The following BMPR1B variants were observed in gnomAD, a reference collection of about 807,000 sequenced individuals.
BMPR1B encodes bone morphogenetic protein receptor type-1B.
Under a neutral mutation model 59.1 loss-of-function variants are expected in BMPR1B, and 12 were observed. That is an observed-to-expected ratio of 0.20 (90% confidence interval 0.13 to 0.33). BMPR1B has a LOEUF of 0.33. BMPR1B is among the 10% of genes least tolerant of loss of function. BMPR1B has a pLI of 1.00. For synonymous variants in BMPR1B, 237 were observed against 207.3 expected, an observed-to-expected ratio of 1.14 and a Z score of -1.23; for missense variants, 550 against 610.9, an observed-to-expected ratio of 0.90 and a Z score of 1.05.
chr4:94,816,856 G>A (rs1230520445), intron 1 of BMPR1B, among the ~76,000 whole-genome samples: 1 of 152,082 alleles, frequency 6.6e-6, no homozygotes, highest in Non-Finnish European at 1.5e-5. Flanking sequence ...TTCCTTATAT[G>A]TCTGTTTGTG....
At chr4:95,121,606 T>G (rs921750853) in intron 6 of BMPR1B, among the ~76,000 whole-genome samples, 1 of 152,068 alleles carries the variant, frequency 6.6e-6, no homozygotes, top group African/African-American at 2.4e-5. Flanking sequence ...ACATAAATAT[T>G]GAGAGAGAGA....
intron 3 of BMPR1B, among the ~76,000 whole-genome samples, chr4:95,005,561 C>T (rs1472526618): frequency 6.6e-6 from 1 of 152,146 alleles, no homozygotes; most frequent in Non-Finnish European, 1.5e-5. Context: ...CCCTCCTCCC[C>T]TCCCACTTCC....
intron 1 of BMPR1B, among the ~76,000 whole-genome samples, chr4:94,839,880 A>G (rs1724982004): frequency 6.6e-6 from 1 of 150,998 alleles, no homozygotes; most frequent in Non-Finnish European, 1.5e-5. Flanking sequence ...TTTTGGCATG[A>G]TTTTGCAGTG....
At chr4:94,952,739 GA>G (rs1729996393) in intron 2 of BMPR1B, among the ~76,000 whole-genome samples, 1 of 152,148 alleles carries the variant, frequency 6.6e-6, no homozygotes, top group Non-Finnish European at 1.5e-5. Context: ...ATATTCTGTT[GA>G]TTTGGGGTGG....
chr4:94,951,466 A>G (rs1729933006), intron 2 of BMPR1B, among the ~76,000 whole-genome samples: 1 of 152,056 alleles, frequency 6.6e-6, no homozygotes, highest in African/African-American at 2.4e-5. Flanking sequence ...TAGTGTATTG[A>G]GTGTTTTTAG....
chr4:95,009,093 C>G (rs891777330), intron 3 of BMPR1B, among the ~76,000 whole-genome samples: 1 of 152,126 alleles, frequency 6.6e-6, no homozygotes. Context: ...CATTTCATTT[C>G]ATACCTACCA....
At chr4:94,931,739 A>G (rs1428406936) in intron 2 of BMPR1B, among the ~76,000 whole-genome samples, 5 of 152,154 alleles carry the variant, frequency 3.3e-5, no homozygotes, top group Non-Finnish European at 7.3e-5. Flanking sequence ...ACCTACAGTG[A>G]TATCCTCAAA....
intron 3 of BMPR1B, among the ~76,000 whole-genome samples, chr4:95,029,629 C>T (rs1356404022): frequency 1.3e-5 from 2 of 152,082 alleles, no homozygotes; most frequent in African/African-American, 2.4e-5. Flanking sequence ...GGTATATACC[C>T]AGTAATGGGA....
chr4:94,788,004 A>G (rs1722827898), intron 1 of BMPR1B, among the ~76,000 whole-genome samples: 2 of 152,184 alleles, frequency 1.3e-5, no homozygotes, highest in African/African-American at 2.4e-5. Context: ...AATGTGGTAT[A>G]TATGGGGCTG....
chr4:95,003,686 T>C (rs189394709), intron 3 of BMPR1B, among the ~76,000 whole-genome samples: 2 of 152,238 alleles, frequency 1.3e-5, no homozygotes, highest in African/African-American at 2.4e-5. Flanking sequence ...TTATTTCTAT[T>C]TCCTCTTTTC....
intron 1 of BMPR1B, among the ~76,000 whole-genome samples, chr4:94,792,423 C>G (rs1389820245): frequency 6.6e-6 from 1 of 152,068 alleles, no homozygotes; most frequent in Non-Finnish European, 1.5e-5. Flanking sequence ...GTCCCCTTCT[C>G]TTCTCCTTCT....
intron 2 of BMPR1B, among the ~76,000 whole-genome samples, chr4:94,942,489 T>C (rs1729555555): frequency 6.6e-6 from 1 of 152,180 alleles, no homozygotes; most frequent in South Asian, 2.1e-4. Context: ...GAAAAAACTA[T>C]TCTTTACTTG....
chr4:94,940,982 C>G (rs937881101), intron 2 of BMPR1B, among the ~76,000 whole-genome samples: 1 of 151,952 alleles, frequency 6.6e-6, no homozygotes, highest in Non-Finnish European at 1.5e-5. Flanking sequence ...ACGTTAGATA[C>G]TTTATTTGAA....
intron 2 of BMPR1B, among the ~76,000 whole-genome samples, chr4:94,969,714 ATTATTTGTCTTC>A (rs1560572802): frequency 9.2e-5 from 14 of 152,026 alleles, no homozygotes; most frequent in African/African-American, 3.4e-4. Flanking sequence ...AGTGTTTTCT[ATTATTTGTCTTC>A]CCCAGTAGAA....
intron 2 of BMPR1B, among the ~76,000 whole-genome samples, chr4:94,983,438 G>A (rs1721222263): frequency 2.0e-5 from 3 of 152,112 alleles, no homozygotes; most frequent in African/African-American, 7.2e-5. Flanking sequence ...AATTGAAAAT[G>A]ATTTTGGTAA....
intron 1 of BMPR1B, among the ~76,000 whole-genome samples, chr4:94,816,709 CTAAAAAG>C (rs1460885617): frequency 6.6e-6 from 1 of 152,114 alleles, no homozygotes; most frequent in Non-Finnish European, 1.5e-5. Context: ...GGTTTATCTT[CTAAAAAG>C]TGAATTTTAC....
At chr4:94,962,072 TTTCC>T (rs199574448) in intron 2 of BMPR1B, among the ~76,000 whole-genome samples, 30,879 of 117,658 alleles carry the variant, frequency 0.26, 4,232 homozygotes, top group Middle Eastern at 0.34. Flanking sequence ...CTTTCTTTTC[TTTCC>T]TTCCTTCCTT....
In BMPR1B at chr4:95,139,618, C is replaced by T. The variant is rs377333493; in HGVS notation, c.1076+8106C>T. Among the ~76,000 whole-genome samples, 11 of 152,328 alleles carry T rather than the reference C, an allele frequency of 7.2e-5. No individual in the cohort carries two copies. In the East Asian group the frequency reaches 1.7e-3, roughly 24 times the overall value. On this transcript the variant is annotated intron_variant, in intron 10 of 12. Transcript: ENST00000515059. ...CCTACTCAAGCTCAGCAGTGGCGGA[C>T]GCCCCTCCCTCAGCCTCGCTGCCGC...
chr4:94,991,089 T>G (rs1196880341), intron 2 of BMPR1B, among the ~76,000 whole-genome samples: 1 of 152,194 alleles, frequency 6.6e-6, no homozygotes, highest in Non-Finnish European at 1.5e-5. Context: ...CCTTTTTCAG[T>G]CTCTTTCATA....
Sources: allele counts gnomAD v4.1 joint callset (sites outside exome capture counted in the v4.1 genomes callset), GRCh38; gene constraint gnomAD v4.1.1; transcripts MANE v1.5; gene names NCBI Gene and HGNC (gene_info 2026-07-23, HGNC 2026-07-21).